IGFBP7: variants seen among roughly 807,000 people sequenced by gnomAD.
IGFBP7 encodes insulin-like growth factor-binding protein 7.
IGFBP7 carries 31 observed loss-of-function variants against 29.4 expected under a neutral mutation model. That is an observed-to-expected ratio of 1.05 (90% CI 0.79 to 1.42). The LOEUF (loss-of-function observed/expected upper bound fraction) is 1.42, where lower values mean the gene tolerates loss of function less well. Among genes scored for constraint, IGFBP7 ranks in the 40% most tolerant of loss-of-function variants. The probability of loss-of-function intolerance (pLI) is 0.00; values close to 1 mark genes in which losing one functional copy is unlikely to be tolerated. For missense variants in IGFBP7, 393 were observed against 395.5 expected (o/e 0.99, Z 0.05); for synonymous variants, 172 against 174.9 (o/e 0.98, Z 0.13).
chr4:57,105,250 C>A (rs1456522910), intron 1 of IGFBP7, among the ~76,000 whole-genome samples: 1 of 152,244 alleles, frequency 6.6e-6, no homozygotes, highest in Non-Finnish European at 1.5e-5. Context: ...CTCCGATGTA[C>A]ACCCTTCACA....
At chr4:57,032,831 A>G (rs1222226930) in intron 3 of IGFBP7, among the ~76,000 whole-genome samples, 2 of 152,260 alleles carry the variant, frequency 1.3e-5, no homozygotes, top group African/African-American at 4.8e-5. Context: ...GGCAACCTTG[A>G]TAAGGGTATA....
chr4:57,089,780 C>T (rs1725591190), intron 1 of IGFBP7, among the ~76,000 whole-genome samples: 2 of 152,166 alleles, frequency 1.3e-5, no homozygotes, highest in African/African-American at 4.8e-5. Context: ...TGAGATTAGG[C>T]AGAAATTTGC....
Position 57,068,226 on chromosome 4 carries a change from G to T in IGFBP7, c.476-27293C>A, listed in dbSNP as rs754418941. On this transcript the variant is annotated intron_variant, in intron 1 of 4. Transcript: ENST00000295666. ...AATCGCTTGAGCCTGGGAGGTGGAGGTTGCAGTGAGCCAAGATCGTGCCAC... is the reference window on the plus strand; with the variant it reads ...AATCGCTTGAGCCTGGGAGGTGGAGTTTGCAGTGAGCCAAGATCGTGCCAC... Among the ~76,000 whole-genome samples the T allele has an allele frequency of 3.3e-5, 5 of 151,150 alleles. No individual in the cohort carries two copies. In the East Asian group the frequency reaches 9.7e-4, roughly 29 times the overall value.
chr4:57,045,156 A>G (rs1356585396), intron 1 of IGFBP7, among the ~76,000 whole-genome samples: 1 of 152,212 alleles, frequency 6.6e-6, no homozygotes, highest in African/African-American at 2.4e-5. Flanking sequence ...CTGAGTCAAC[A>G]TTTGGATTAT....
chr4:57,052,704 C>T (rs34755751), intron 1 of IGFBP7, among the ~76,000 whole-genome samples: 11,777 of 152,242 alleles, frequency 0.077, 534 homozygotes, highest in Non-Finnish European at 0.094. Context: ...CAATACAATG[C>T]TGCCCTGGTG....
At chr4:57,037,079 GGTAA>G (rs1724099628) in intron 2 of IGFBP7, among the ~76,000 whole-genome samples, 1 of 152,104 alleles carries the variant, frequency 6.6e-6, no homozygotes, top group Non-Finnish European at 1.5e-5. Flanking sequence ...CTTCATAAGT[GGTAA>G]GTGTGATGCC....
At chr4:57,080,424 A>G (rs1725339309) in intron 1 of IGFBP7, among the ~76,000 whole-genome samples, 1 of 152,242 alleles carries the variant, frequency 6.6e-6, no homozygotes, top group Non-Finnish European at 1.5e-5. Flanking sequence ...TATATTCAAA[A>G]GAATATTGAT....
chr4:57,062,214 G>A (rs1560497941), intron 1 of IGFBP7, among the ~76,000 whole-genome samples: 1 of 152,112 alleles, frequency 6.6e-6, no homozygotes, highest in Non-Finnish European at 1.5e-5. Context: ...GTCTCATTTT[G>A]CTTTGTTGGA....
chr4:57,062,311 A>T (rs1724819210), intron 1 of IGFBP7, among the ~76,000 whole-genome samples: 1 of 152,222 alleles, frequency 6.6e-6, no homozygotes, highest in Non-Finnish European at 1.5e-5. Flanking sequence ...CAAGCCAAGG[A>T]GATTAGTTAT....
At chr4:57,068,039 G>A (rs1724961683) in intron 1 of IGFBP7, among the ~76,000 whole-genome samples, 1 of 152,094 alleles carries the variant, frequency 6.6e-6, no homozygotes, top group South Asian at 2.1e-4. Context: ...AAAAGAAGTG[G>A]GCTTTAGGCT....
At chr4:57,109,794 G>T in intron 1 of IGFBP7, 83 bp downstream of exon 1, 1 of 1,438,408 alleles carries the variant, frequency 7.0e-7, no homozygotes, top group Non-Finnish European at 9.1e-7. Flanking sequence ...AGCGCGGGGC[G>T]AGGCCGCCGC....
chr4:57,035,407 CA>C (rs1364421204), intron 2 of IGFBP7, among the ~76,000 whole-genome samples: 1 of 152,008 alleles, frequency 6.6e-6, no homozygotes, highest in African/African-American at 2.4e-5. Context: ...TTTTATATGT[CA>C]AACTCTCCCT....
At chr4:57,063,098 C>A (rs1484655405) in intron 1 of IGFBP7, among the ~76,000 whole-genome samples, 1 of 152,156 alleles carries the variant, frequency 6.6e-6, no homozygotes, top group African/African-American at 2.4e-5. Flanking sequence ...CTAGCCTTTG[C>A]ACATGCCATT....
chr4:57,054,193 A>G (rs1724583615), intron 1 of IGFBP7, among the ~76,000 whole-genome samples: 1 of 152,086 alleles, frequency 6.6e-6, no homozygotes, highest in African/African-American at 2.4e-5. Context: ...TCAGGCCCCT[A>G]CATACTAACC....
At chr4:57,034,006 C>T (rs372924951) in intron 2 of IGFBP7, among the ~76,000 whole-genome samples, 6 of 145,838 alleles carry the variant, frequency 4.1e-5, no homozygotes, top group South Asian at 2.2e-4. Flanking sequence ...GCTGAGATCG[C>T]GCCACTGCAC....
At position 57,099,038 on chromosome 4, in the gene IGFBP7, G is replaced by C. The variant is rs150002436; in HGVS notation, c.475+10839C>G. ...AATTTTTCTTTCTTGCTTGGGGTCA[G>C]GCCAGAAGAGAGCAGAACAGATGTC... On this transcript the variant is annotated intron_variant, in intron 1 of 4. Coordinates refer to ENST00000295666, the MANE Select transcript of IGFBP7 (RefSeq NM_001553.3). Among the ~76,000 whole-genome samples, 141 of 152,288 alleles carry C rather than the reference G, an allele frequency of 9.3e-4. 2 individuals are homozygous for C. The highest frequency in any genetic ancestry group is 3.2e-3 in the African/African-American group (133 of 41,570).
Position 57,088,499 on chromosome 4 carries a change from G to A in IGFBP7, c.475+21378C>T, listed in dbSNP as rs762384438. Among the ~76,000 whole-genome samples, 14 of 152,108 alleles carry A rather than the reference G, an allele frequency of 9.2e-5. No individual in the cohort carries two copies. The South Asian group carries it at 2.9e-3, about 32-fold the overall frequency. On this transcript the variant is annotated intron_variant, in intron 1 of 4. Coordinates refer to ENST00000295666, the MANE Select transcript of IGFBP7 (RefSeq NM_001553.3). Reference sequence around the variant, plus strand: ...GCTTCTACCCTTCATCCCATCTCTAGTTATCCCTCCAGAAAAAGAGGGAAG... The same window carrying A: ...GCTTCTACCCTTCATCCCATCTCTAATTATCCCTCCAGAAAAAGAGGGAAG...
rs578155905 is a variant in IGFBP7 at position 57,089,009 on chromosome 4, G to A, written c.475+20868C>T. On this transcript the variant is annotated intron_variant, in intron 1 of 4. Coordinates refer to ENST00000295666, the MANE Select transcript of IGFBP7 (RefSeq NM_001553.3). ...ATCACACCACTGCATTCCAGCCTGA[G>A]CAACAGAGTGAGACTCTGTCTCAAA... Among the ~76,000 whole-genome samples the A allele has an allele frequency of 2.3e-5, 3 of 129,780 alleles. No homozygotes were observed. In the East Asian group the frequency reaches 7.2e-4, roughly 31 times the overall value. The allele number at this position is 129,780 out of a possible 152,430, so 85.1% of individuals were successfully genotyped here.
chr4:57,054,376 C>G (rs958268971), intron 1 of IGFBP7, among the ~76,000 whole-genome samples: 1 of 152,038 alleles, frequency 6.6e-6, no homozygotes, highest in East Asian at 1.9e-4. Flanking sequence ...GGCTCATGCC[C>G]GTAATCCCAG....
Sources: gnomAD v4.1 joint callset for allele counts (sites outside exome capture counted in the v4.1 genomes callset) on GRCh38, gnomAD v4.1.1 for gene constraint, MANE v1.5 for transcripts, NCBI Gene and HGNC (gene_info 2026-07-23, HGNC 2026-07-21) for gene names.